Variants in KCNC4 observed in about 807,000 individuals in gnomAD.
The protein encoded by KCNC4 is potassium voltage-gated channel subfamily C member 4, also known as voltage-gated potassium channel KCNC4.
Under a neutral mutation model 42.8 loss-of-function variants are expected in KCNC4, and 23 were observed. That is an observed-to-expected ratio of 0.54 (90% CI 0.39 to 0.76). KCNC4 has a LOEUF of 0.76. KCNC4 is among the 30% of genes least tolerant of loss of function. The pLI is 0.00. For synonymous variants in KCNC4, 422 were observed against 393.5 expected (o/e 1.07, Z -0.86); for missense variants, 751 against 898.2 (o/e 0.84, Z 2.10).
rs1275863236 is a variant in KCNC4, at chr1:110,214,803, G to C, written c.678+2626G>C. On this transcript the variant is annotated intron_variant, in intron 1 of 3. Transcript: ENST00000438661. ...GTCCTTCTGAGGTTCTGTACCTCCTGTGGATGACATCAGAAAACCCAGGGG... is the reference window on the plus strand; with the variant it reads ...GTCCTTCTGAGGTTCTGTACCTCCTCTGGATGACATCAGAAAACCCAGGGG... Among the ~76,000 whole-genome samples, 5 of 152,336 alleles carry C rather than the reference G, an allele frequency of 3.3e-5. No homozygotes were observed. In the South Asian group the frequency reaches 6.2e-4, roughly 19 times the overall value.
At chr1:110,245,614 C>A (rs1352323113) in exon 4 of KCNC4, 1 of 152,246 alleles carries the variant, frequency 6.6e-6, no homozygotes, top group Non-Finnish European at 1.5e-5. Context: ...TAGAAACATA[C>A]CAGCAACCAT....
intron 3 of KCNC4, among the ~76,000 whole-genome samples, chr1:110,229,451 G>C (rs1658584081): frequency 6.6e-6 from 1 of 152,120 alleles, no homozygotes; most frequent in African/African-American, 2.4e-5. Context: ...GCGGCACCTG[G>C]TGTCCCTTCT....
exon 4 of KCNC4, chr1:110,244,428 C>T (rs530921107): frequency 9.9e-5 from 15 of 152,250 alleles, no homozygotes; most frequent in African/African-American, 3.6e-4. Context: ...CAGGACTAGC[C>T]TGAGGGGCCC....
chr1:110,257,720 C>CAAA (rs56333861), intron 1 of KCNC4, among the ~76,000 whole-genome samples: 24 of 90,962 alleles, frequency 2.6e-4, no homozygotes, highest in African/African-American at 4.5e-4. Context: ...GACTCCGTCT[C>CAAA]AAAAAAAAAA....
exon 4 of KCNC4, chr1:110,242,615 C>A (rs1659053264): frequency 6.6e-6 from 1 of 152,206 alleles, no homozygotes; most frequent in Non-Finnish European, 1.5e-5. Context: ...GATTATCATT[C>A]TTCTGGCTTT....
chr1:110,259,530 G>A (rs992488604), intron 1 of KCNC4, among the ~76,000 whole-genome samples: 2 of 152,222 alleles, frequency 1.3e-5, no homozygotes, highest in Non-Finnish European at 2.9e-5. Context: ...GCTGGACCTT[G>A]AAATGTAGGT....
chr1:110,250,240 A>G (rs945810064), downstream of KCNC4, among the ~76,000 whole-genome samples: 1 of 152,038 alleles, frequency 6.6e-6, no homozygotes, highest in Non-Finnish European at 1.5e-5. Context: ...TTCTCCAGCC[A>G]GAAGTCCAGA....
intron 3 of KCNC4, among the ~76,000 whole-genome samples, chr1:110,227,017 C>T (rs762876844): frequency 1.9e-4 from 29 of 152,154 alleles, no homozygotes; most frequent in East Asian, 3.9e-4. Flanking sequence ...ACCCAGTTTT[C>T]GATCACTTAT....
intron 1 of KCNC4, among the ~76,000 whole-genome samples, chr1:110,273,599 C>T (rs1216925721): frequency 1.3e-5 from 2 of 152,208 alleles, no homozygotes; most frequent in Admixed American, 6.5e-5. Context: ...CTGATGGCCA[C>T]CCTGGCCCTC....
At chr1:110,249,252 C>G (rs1239893742), downstream of KCNC4, 1 of 152,080 alleles carries the variant, frequency 6.6e-6, no homozygotes, top group African/African-American at 2.4e-5. Flanking sequence ...TCTGGGGGCT[C>G]TGGAAAAAAT....
chr1:110,259,053 C>G (rs1328766349), intron 1 of KCNC4, among the ~76,000 whole-genome samples: 2 of 152,200 alleles, frequency 1.3e-5, no homozygotes, highest in African/African-American at 4.8e-5. Flanking sequence ...CAGCCTGTCA[C>G]AGATGGCTCT....
Position 110,219,315 on chromosome 1 carries a change from C to T in KCNC4, c.679-3649C>T, listed in dbSNP as rs545056367. 4.7e-4 allele frequency among the ~76,000 whole-genome samples: 72 copies of T among 152,324 alleles called. 1 individual carries two copies. The South Asian group carries it at 0.013, about 28-fold the overall frequency. On this transcript the variant is annotated intron_variant, in intron 1 of 3. Transcript: ENST00000438661. ...ATTTTATGGAGCACCTATTGGGTGC[C>T]AGGCATTTACCATGTAGAAGCTCAT...
At chr1:110,252,176 G>A (rs547984902), downstream of KCNC4, among the ~76,000 whole-genome samples, 2 of 152,184 alleles carry the variant, frequency 1.3e-5, no homozygotes, top group Non-Finnish European at 1.5e-5. Context: ...GCATTGGCAC[G>A]GGCAGCTTGG....
chr1:110,283,427 G>C (rs893383141), downstream of KCNC4, among the ~76,000 whole-genome samples: 24 of 152,146 alleles, frequency 1.6e-4, no homozygotes, highest in Admixed American at 1.6e-3. Context: ...TCAGAAGATT[G>C]CTTACTGAGT....
At chr1:110,238,533 T>C (rs1272743200), downstream of KCNC4, 2 of 152,232 alleles carry the variant, frequency 1.3e-5, no homozygotes, top group South Asian at 2.1e-4. Flanking sequence ...AGCAAACATA[T>C]GTGGCATCTC....
At chr1:110,264,379 A>G (rs1364936188) in intron 1 of KCNC4, among the ~76,000 whole-genome samples, 2 of 151,678 alleles carry the variant, frequency 1.3e-5, no homozygotes, top group Non-Finnish European at 1.5e-5. Flanking sequence ...AAAATTTGGA[A>G]GCAAGCAGAA....
At chr1:110,219,127 C>T (rs960625565) in intron 1 of KCNC4, among the ~76,000 whole-genome samples, 14 of 152,338 alleles carry the variant, frequency 9.2e-5, no homozygotes, top group African/African-American at 3.1e-4. Context: ...GCCTCAGTTT[C>T]TTCATCTGTA....
At chr1:110,278,868 G>T (rs372926400) in intron 1 of KCNC4, among the ~76,000 whole-genome samples, 17 of 152,282 alleles carry the variant, frequency 1.1e-4, no homozygotes, top group Admixed American at 4.6e-4. Flanking sequence ...TCACTGCCAG[G>T]TTCCTCTCAT....
intron 1 of KCNC4, among the ~76,000 whole-genome samples, chr1:110,259,276 G>A (rs939045580): frequency 2.0e-5 from 3 of 152,204 alleles, no homozygotes; most frequent in Non-Finnish European, 4.4e-5. Context: ...TTCTCTCAGT[G>A]TGCTGCTTGT....
Sources: gnomAD v4.1 joint callset for allele counts (sites outside exome capture counted in the v4.1 genomes callset) on GRCh38, gnomAD v4.1.1 for gene constraint, MANE v1.5 for transcripts, NCBI Gene and HGNC (gene_info 2026-07-23, HGNC 2026-07-21) for gene names.